RAP1A: variants seen among roughly 807,000 people sequenced by gnomAD.
RAP1A encodes ras-related protein Rap-1A.
RAP1A carries 6 observed loss-of-function variants against 26.4 expected under a neutral mutation model. That is an observed-to-expected ratio of 0.23 (90% CI 0.12 to 0.45). The LOEUF (loss-of-function observed/expected upper bound fraction) is 0.45, where lower values mean the gene tolerates loss of function less well. RAP1A is among the 20% of genes least tolerant of loss of function. The probability of loss-of-function intolerance (pLI) is 0.99; values close to 1 mark genes in which losing one functional copy is unlikely to be tolerated. For missense variants in RAP1A, 121 were observed against 217.2 expected, an observed-to-expected ratio of 0.56 and a Z score of 2.78; for synonymous variants, 73 against 79.4, an observed-to-expected ratio of 0.92 and a Z score of 0.43.
At chr1:111,629,030 A>G (rs1027956148) in intron 1 of RAP1A, among the ~76,000 whole-genome samples, 1 of 152,110 alleles carries the variant, frequency 6.6e-6, no homozygotes, top group Non-Finnish European at 1.5e-5. Flanking sequence ...TTCTGGAGCT[A>G]TTACCTTAAA....
intron 1 of RAP1A, among the ~76,000 whole-genome samples, chr1:111,607,873 C>A (rs1658829419): frequency 8.2e-6 from 1 of 121,664 alleles, no homozygotes; most frequent in Admixed American, 8.4e-5. Context: ...GGCCTGACCC[C>A]CCCCACCTCC....
At chr1:111,708,675 T>C (rs1662276122) in intron 6 of RAP1A, among the ~76,000 whole-genome samples, 1 of 152,246 alleles carries the variant, frequency 6.6e-6, no homozygotes, top group South Asian at 2.1e-4. Flanking sequence ...CGTGTTTATG[T>C]AAGAGAATAT....
chr1:111,556,667 T>C (rs1557848511), intron 1 of RAP1A, among the ~76,000 whole-genome samples: 1 of 152,206 alleles, frequency 6.6e-6, no homozygotes, highest in Non-Finnish European at 1.5e-5. Flanking sequence ...ATGAATATTG[T>C]ATGATTCCAT....
intron 4 of RAP1A, among the ~76,000 whole-genome samples, chr1:111,700,181 T>C (rs1661973176): frequency 6.6e-6 from 1 of 152,170 alleles, no homozygotes; most frequent in Admixed American, 6.5e-5. Flanking sequence ...ATACAATCTG[T>C]ATGCTGATAA....
At chr1:111,652,195 A>G (rs1660296208) in intron 1 of RAP1A, among the ~76,000 whole-genome samples, 1 of 152,056 alleles carries the variant, frequency 6.6e-6, no homozygotes, top group African/African-American at 2.4e-5. Flanking sequence ...TCTCGTCTCG[A>G]ACTCCTGATC....
chr1:111,605,112 A>G (rs1192398937), intron 1 of RAP1A, among the ~76,000 whole-genome samples: 2 of 152,224 alleles, frequency 1.3e-5, no homozygotes, highest in Non-Finnish European at 2.9e-5. Context: ...ACAGGAGAAG[A>G]GGAGACCCAA....
intron 1 of RAP1A, among the ~76,000 whole-genome samples, chr1:111,653,063 A>G (rs1039483640): frequency 2.0e-5 from 3 of 152,234 alleles, no homozygotes; most frequent in Admixed American, 2.0e-4. Context: ...CATACAATGG[A>G]ATATGATTTA....
chr1:111,643,062 G>A (rs901641801), intron 1 of RAP1A, among the ~76,000 whole-genome samples: 3 of 152,114 alleles, frequency 2.0e-5, no homozygotes, highest in Admixed American at 6.5e-5. Flanking sequence ...GAGCCACTGC[G>A]CCCGGCCAGC....
chr1:111,580,844 CA>C (rs1289184556), intron 1 of RAP1A, among the ~76,000 whole-genome samples: 1 of 115,258 alleles, frequency 8.7e-6, no homozygotes, highest in Non-Finnish European at 1.9e-5. Context: ...AAGACTGTCT[CA>C]AAAACAAAAA....
chr1:111,671,238 A>G (rs1660965273), intron 1 of RAP1A, among the ~76,000 whole-genome samples: 1 of 152,202 alleles, frequency 6.6e-6, no homozygotes, highest in African/African-American at 2.4e-5. Context: ...TCCAGCCTCA[A>G]AGGTGAGAGC....
intron 1 of RAP1A, among the ~76,000 whole-genome samples, chr1:111,578,572 A>G (rs1439114925): frequency 6.6e-6 from 1 of 152,160 alleles, no homozygotes; most frequent in African/African-American, 2.4e-5. Flanking sequence ...TGAGTTTTCC[A>G]GAGAGAATAA....
At chr1:111,583,000 C>T (rs1373373059) in intron 1 of RAP1A, among the ~76,000 whole-genome samples, 1 of 152,158 alleles carries the variant, frequency 6.6e-6, no homozygotes, top group Non-Finnish European at 1.5e-5. Flanking sequence ...GGTCTAGAGG[C>T]CAATTCACTT....
intron 1 of RAP1A, among the ~76,000 whole-genome samples, chr1:111,589,120 TATTTTA>T (rs1658428494): frequency 6.6e-6 from 1 of 152,276 alleles, no homozygotes; most frequent in Non-Finnish European, 1.5e-5. Context: ...GTCTTGATGA[TATTTTA>T]ATTTTAAGTG....
At chr1:111,654,643 A>G (rs1660391673) in intron 1 of RAP1A, among the ~76,000 whole-genome samples, 1 of 152,034 alleles carries the variant, frequency 6.6e-6, no homozygotes, top group South Asian at 2.1e-4. Flanking sequence ...ATGCTTGCAC[A>G]TAATAAGTCC....
At chr1:111,560,199 T>C (rs533277828) in intron 1 of RAP1A, among the ~76,000 whole-genome samples, 1 of 152,248 alleles carries the variant, frequency 6.6e-6, no homozygotes, top group African/African-American at 2.4e-5. Flanking sequence ...AAGAGAAGAC[T>C]CCCCACCTAC....
intron 1 of RAP1A, among the ~76,000 whole-genome samples, chr1:111,661,837 A>G (rs954026400): frequency 3.3e-5 from 5 of 150,812 alleles, no homozygotes; most frequent in Admixed American, 6.6e-5. Flanking sequence ...AATTGAGAGG[A>G]TCTCTTTTTG....
intron 1 of RAP1A, among the ~76,000 whole-genome samples, chr1:111,599,299 G>A (rs575214982): frequency 1.4e-4 from 22 of 152,110 alleles, no homozygotes; most frequent in Admixed American, 2.6e-4. Flanking sequence ...TCTGCCTCCC[G>A]GGTTCAAGTG....
chr1:111,699,643 A>G (rs1317171463), intron 4 of RAP1A, among the ~76,000 whole-genome samples: 1 of 143,954 alleles, frequency 6.9e-6, no homozygotes, highest in Non-Finnish European at 1.5e-5. Context: ...TTTTTTTTTT[A>G]ATTTTTTGTA....
At chr1:111,632,395 A>G (rs1378157742) in intron 1 of RAP1A, among the ~76,000 whole-genome samples, 1 of 152,200 alleles carries the variant, frequency 6.6e-6, no homozygotes, top group Non-Finnish European at 1.5e-5. Context: ...CTAGAGGATG[A>G]AAGTAAATAT....
Sources: allele counts gnomAD v4.1 joint callset (sites outside exome capture counted in the v4.1 genomes callset), GRCh38; gene constraint gnomAD v4.1.1; transcripts MANE v1.5; gene names NCBI Gene and HGNC (gene_info 2026-07-23, HGNC 2026-07-21).